Variants in CABS1 observed in about 807,000 individuals in gnomAD.
CABS1 encodes the protein calcium binding protein, spermatid associated 1.
For synonymous variants in CABS1, 195 were observed against 169.0 expected, an observed-to-expected ratio of 1.15 and a Z score of -1.19; for missense variants, 500 against 464.3, an observed-to-expected ratio of 1.08 and a Z score of -0.71.
Position 70,335,223 on chromosome 4 carries a change from A to T in CABS1, c.184A>T (p.Thr62Ser), listed in dbSNP as rs777730029. ...NEYMLESDFS[T>S]TTDNKLTAKK... is the part of the protein sequence containing the mutation. ...ATATATGCTAGAAAGCGATTTTTCA[A>T]CAACTACAGACAACAAACTGACAGC... The change falls in exon 1 of 2, where the codon ACA (threonine) becomes TCA (serine). Residue 62 changes from threonine (T) to serine (S), a missense_variant. By Grantham distance (58) the Thr-to-Ser change is moderately conservative. Transcript: ENST00000273936. The T allele has an allele frequency of 1.2e-6, 2 of 1,613,628 alleles. No homozygotes were observed. The highest frequency in any genetic ancestry group is 1.7e-5 in the Admixed American group (1 of 59,928).
chr4:70,336,435 A>G, intron 1 of CABS1, 89 bp downstream of exon 1: 3 of 577,958 alleles, frequency 5.2e-6, no homozygotes, highest in Non-Finnish European at 8.4e-6. Flanking sequence ...ACCGCAGTGT[A>G]AGGGTCCCCC....
At position 70,336,337 on chromosome 4, in the gene CABS1, G is replaced by T; in HGVS notation, c.*110G>T. 7.3e-7 allele frequency: 1 copy of T among 1,373,358 alleles called. No individual in the cohort carries two copies. Among genetic ancestry groups the T allele is most frequent in the Middle Eastern group, 2.0e-4 (1 of 5,040 alleles). The allele number at this position is 1,373,358 out of a possible 1,614,324, so 85.1% of individuals were successfully genotyped here. A position where few individuals can be genotyped will look rare whatever the true frequency, so the allele number is the denominator to read the frequency against. On this transcript the variant is annotated 3_prime_UTR_variant, in exon 1 of 2. Transcript: ENST00000273936. Reference sequence around the variant, plus strand: ...AAACCTTTAGAAATGAAAGAATGTGGGCATTTAAGGCAAGTATTCGACTCA... The same window carrying T: ...AAACCTTTAGAAATGAAAGAATGTGTGCATTTAAGGCAAGTATTCGACTCA...
rs771164751 is a variant in CABS1 at position 70,336,008 on chromosome 4, C to T, written c.969C>T (p.Phe323=). The change falls in exon 1 of 2, where the codon TTC becomes TTT. Residue 323 remains phenylalanine, a synonymous_variant. Transcript: ENST00000273936. ...LLTAVESRYD[F]VVPASIATNL... ...CTGCTGTTGAATCCAGATATGACTT[C>T]GTTGTCCCTGCATCAATAGCTACAA... 3.1e-6 allele frequency: 5 copies of T among 1,613,494 alleles called. No individual in the cohort carries two copies. Among genetic ancestry groups the T allele is most frequent in the South Asian group, 2.2e-5 (2 of 91,066 alleles).
Position 70,336,062 on chromosome 4 carries a change from A to T in CABS1, c.1023A>T (p.Glu341Asp). ...TNLVEESSTE[E>D]DLSETDNTET... ...TAGTGGAAGAATCATCTACAGAAGA[A>T]GATTTGTCTGAAACTGATAATACAG... The change falls in exon 1 of 2, where the codon GAA (glutamate) becomes GAT (aspartate). Residue 341 changes from glutamate (E) to aspartate (D), a missense_variant. By Grantham distance (45) the Glu-to-Asp change is conservative. Coordinates refer to ENST00000273936, the MANE Select transcript of CABS1 (RefSeq NM_033122.4). 4 of 1,613,428 alleles carry T rather than the reference A, an allele frequency of 2.5e-6. No homozygotes were observed. Among genetic ancestry groups the T allele is most frequent in the Non-Finnish European group, 3.4e-6 (4 of 1,179,576 alleles).
Position 70,335,941 on chromosome 4 carries a change from G to C in CABS1, c.902G>C (p.Arg301Thr). Residue 301 changes from arginine (R) to threonine (T), a missense_variant, in exon 1 of 2, where the codon AGA becomes ACA. Coordinates refer to ENST00000273936, the MANE Select transcript of CABS1 (RefSeq NM_033122.4). ...GAGGGAGCCAGTATTTGGATGGAGA[G>C]AGATACTGCAAATGAAGCAGAGACC... ...TTEGASIWME[R>T]DTANEAETHS... The C allele has an allele frequency of 6.2e-7, 1 of 1,613,590 alleles. No individual in the cohort carries two copies. Among genetic ancestry groups the C allele is most frequent in the East Asian group, 2.2e-5 (1 of 44,830 alleles).
Position 70,335,868 on chromosome 4 carries a change from G to T in CABS1, c.829G>T (p.Asp277Tyr). The T allele has an allele frequency of 6.2e-7, 1 of 1,613,554 alleles. No homozygotes were observed. The highest frequency in any genetic ancestry group is 8.5e-7 in the Non-Finnish European group (1 of 1,179,744). ...VFELTTSAEK[D>Y]KDKREDTLLT... The stretch of plus-strand genomic sequence containing the variant: ...TGAACTCACTACCTCTGCTGAAAAA[G>T]ACAAAGATAAACGGGAAGATACTCT... Residue 277 changes from aspartate (D) to tyrosine (Y), a missense_variant, in exon 1 of 2, where the codon GAC (aspartate) becomes TAC (tyrosine). Transcript: ENST00000273936.
In CABS1 at chr4:70,335,705, A is replaced by G; in HGVS notation, c.666A>G (p.Glu222=). The G allele has an allele frequency of 6.2e-7, 1 of 1,613,624 alleles. No individual in the cohort carries two copies. The highest frequency in any genetic ancestry group is 8.5e-7 in the Non-Finnish European group (1 of 1,179,758). The change falls in exon 1 of 2, where the codon GAA becomes GAG. Residue 222 remains glutamate, a synonymous_variant. Transcript: ENST00000273936. ...AGGCTGAAATCCCTCCTGCTCCTGAAGAAAGCTTCACTACTATTCCAGACA... is the reference window on the plus strand; with the variant it reads ...AGGCTGAAATCCCTCCTGCTCCTGAGGAAAGCTTCACTACTATTCCAGACA... ...IPEAEIPPAP[E]ESFTTIPDIT... is the part of the protein sequence containing the mutation.
Position 70,336,287 on chromosome 4 carries a change from T to C in CABS1, c.*60T>C. ...ATAGTCTAGCCAGCTAGCCTTAACA[T>C]CTAAGAAATTTTTCCAACAAGCAAA... On this transcript the variant is annotated 3_prime_UTR_variant, in exon 1 of 2. Transcript: ENST00000273936. The C allele has an allele frequency of 2.7e-6, 4 of 1,503,208 alleles. No homozygotes were observed. The highest frequency in any genetic ancestry group is 3.5e-6 in the Non-Finnish European group (4 of 1,129,100). The allele number at this position is 1,503,208 out of a possible 1,614,324, so 93.1% of individuals were successfully genotyped here. A position where few individuals can be genotyped will look rare whatever the true frequency, so the allele number is the denominator to read the frequency against.
Sources: allele counts gnomAD v4.1 joint callset, GRCh38; gene constraint gnomAD v4.1.1; transcripts MANE v1.5; gene names NCBI Gene and HGNC (gene_info 2026-07-23, HGNC 2026-07-21).